Variants in NRXN3 observed in about 807,000 individuals in gnomAD.
NRXN3 encodes neurexin 3.
Under a neutral mutation model 137.6 loss-of-function variants are expected in NRXN3, and 32 were observed. The observed-to-expected ratio is 0.23, with a 90% CI of 0.18 to 0.31. NRXN3 has a LOEUF of 0.31. NRXN3 is among the 10% of genes least tolerant of loss of function. The probability of loss-of-function intolerance (pLI) is 1.00; values close to 1 mark genes in which losing one functional copy is unlikely to be tolerated. For synonymous variants in NRXN3, 798 were observed against 784.5 expected (o/e 1.02, Z -0.29); for missense variants, 1,574 against 2,062.5 (o/e 0.76, Z 4.59).
intron 1 of NRXN3, among the ~76,000 whole-genome samples, chr14:78,215,086 A>G (rs749406342): frequency 6.6e-6 from 1 of 152,172 alleles, no homozygotes; most frequent in African/African-American, 2.4e-5. Context: ...GTATTTTACA[A>G]ATGTCAATAC....
chr14:79,158,251 C>G (rs1465770301), intron 15 of NRXN3, among the ~76,000 whole-genome samples: 2 of 151,732 alleles, frequency 1.3e-5, no homozygotes, highest in Non-Finnish European at 2.9e-5. Flanking sequence ...AGAAAAGTCT[C>G]TGCTAAGGCA....
At chr14:79,726,798 T>G (rs1008722991) in intron 19 of NRXN3, among the ~76,000 whole-genome samples, 1 of 152,192 alleles carries the variant, frequency 6.6e-6, no homozygotes, top group Non-Finnish European at 1.5e-5. Flanking sequence ...AACTACATTT[T>G]TGTTGTTCTC....
At chr14:78,264,635 G>T (rs1220175791) in intron 2 of NRXN3, among the ~76,000 whole-genome samples, 1 of 152,144 alleles carries the variant, frequency 6.6e-6, no homozygotes, top group Non-Finnish European at 1.5e-5. Context: ...GTGTTCTTGT[G>T]TGGATATGTG....
intron 16 of NRXN3, among the ~76,000 whole-genome samples, chr14:79,559,007 CCTCA>C (rs1244994372): frequency 5.3e-5 from 8 of 152,114 alleles, no homozygotes; most frequent in South Asian, 2.1e-4. Flanking sequence ...CCTACAGCTT[CCTCA>C]CTCTTCTTAG....
At chr14:78,287,170 C>T (rs2075271306) in intron 3 of NRXN3, among the ~76,000 whole-genome samples, 1 of 152,204 alleles carries the variant, frequency 6.6e-6, no homozygotes, top group Non-Finnish European at 1.5e-5. Context: ...CTGAAAGCTT[C>T]ACTCTTCACC....
At chr14:78,396,625 T>C (rs1294071821) in intron 4 of NRXN3, among the ~76,000 whole-genome samples, 1 of 152,232 alleles carries the variant, frequency 6.6e-6, no homozygotes, top group Non-Finnish European at 1.5e-5. Flanking sequence ...GTCATTTTCT[T>C]TCTGCATTTA....
intron 15 of NRXN3, among the ~76,000 whole-genome samples, chr14:79,003,011 AG>A (rs2099544890): frequency 6.6e-6 from 1 of 152,258 alleles, no homozygotes; most frequent in South Asian, 2.1e-4. Flanking sequence ...TCTGTCACCA[AG>A]ACTGGAGTGC....
chr14:79,121,510 C>G lies in NRXN3; in HGVS notation c.3262+133369C>G, dbSNP rs78461433. Among the ~76,000 whole-genome samples, 15 of 152,332 alleles carry G rather than the reference C, an allele frequency of 9.8e-5. No homozygotes were observed. The East Asian group carries it at 2.7e-3, about 27-fold the overall frequency. ...CTTCTATAGCTCCATTTATATCCAA[C>G]TTAAATTTCACTCTAAACATTTTCA... On this transcript the variant is annotated intron_variant, in intron 15 of 20. Transcript: ENST00000335750.
At chr14:78,710,920 C>T (rs980359460) in intron 7 of NRXN3, among the ~76,000 whole-genome samples, 1 of 152,158 alleles carries the variant, frequency 6.6e-6, no homozygotes, top group African/African-American at 2.4e-5. Flanking sequence ...ATTAAATGTG[C>T]TCGTTAAGCA....
chr14:78,941,395 G>A (rs528483443), intron 10 of NRXN3, among the ~76,000 whole-genome samples: 17 of 152,142 alleles, frequency 1.1e-4, no homozygotes, highest in African/African-American at 3.4e-4. Flanking sequence ...TTCCTTACCC[G>A]TGGTGCTTCT....
At chr14:79,658,609 A>G (rs1337064344) in intron 16 of NRXN3, among the ~76,000 whole-genome samples, 5 of 152,142 alleles carry the variant, frequency 3.3e-5, no homozygotes, top group African/African-American at 1.2e-4. Flanking sequence ...CTCTTACTAC[A>G]ACCCTATAAT....
In NRXN3 at chr14:79,549,461, C is replaced by T. The variant is rs78598623; in HGVS notation, c.3444+82059C>T. ...ACATGTAAGGAAATGAAAAGTATTC[C>T]ACAAATACTCCTTCCCTGAGCTTGT... is the stretch of plus-strand genomic sequence containing the variant. On this transcript the variant is annotated intron_variant, in intron 16 of 20. Coordinates refer to ENST00000335750, the MANE Select transcript of NRXN3 (RefSeq NM_001330195.2). Among the ~76,000 whole-genome samples the T allele has an allele frequency of 6.2e-3, 944 of 152,172 alleles. 11 individuals carry two copies. The highest frequency in any genetic ancestry group is 0.037 in the Middle Eastern group (11 of 294).
At chr14:78,596,642 A>G (rs939459806) in intron 4 of NRXN3, among the ~76,000 whole-genome samples, 4 of 152,210 alleles carry the variant, frequency 2.6e-5, no homozygotes, top group Admixed American at 6.5e-5. Flanking sequence ...TTAAAGAGCC[A>G]TAGAGAGAAC....
At chr14:78,541,377 C>T (rs1199964741) in intron 4 of NRXN3, among the ~76,000 whole-genome samples, 1 of 152,182 alleles carries the variant, frequency 6.6e-6, no homozygotes, top group African/African-American at 2.4e-5. Context: ...TCTTCAATCA[C>T]TGATACCCTT....
At chr14:79,074,835 C>T (rs8019071) in intron 15 of NRXN3, 76,391 of 152,006 alleles carry the variant, frequency 0.5, 22,414 homozygotes, top group East Asian at 0.78. Context: ...GGGAGATAAG[C>T]CCCTTGTTTT....
chr14:78,262,371 C>G (rs1399264993), intron 2 of NRXN3, among the ~76,000 whole-genome samples: 1 of 151,964 alleles, frequency 6.6e-6, no homozygotes, highest in African/African-American at 2.4e-5. Flanking sequence ...CACACATGGC[C>G]CTCTCCTTCC....
chr14:79,433,037 A>G (rs754522203), intron 15 of NRXN3, among the ~76,000 whole-genome samples: 2 of 152,276 alleles, frequency 1.3e-5, no homozygotes, highest in Non-Finnish European at 2.9e-5. Flanking sequence ...TTTCCCCGGC[A>G]CCTAACAATG....
chr14:79,296,255 A>G (rs1247119568), intron 15 of NRXN3, among the ~76,000 whole-genome samples: 1 of 152,132 alleles, frequency 6.6e-6, no homozygotes, highest in East Asian at 1.9e-4. Flanking sequence ...GTAAGAACAT[A>G]CAGTATTTTA....
chr14:78,681,554 G>A (rs1468869136), intron 6 of NRXN3, among the ~76,000 whole-genome samples: 1 of 152,054 alleles, frequency 6.6e-6, no homozygotes, highest in East Asian at 1.9e-4. Flanking sequence ...TGCCAGAGGA[G>A]GAAACATAAG....
Sources: allele counts gnomAD v4.1 joint callset (sites outside exome capture counted in the v4.1 genomes callset), GRCh38; gene constraint gnomAD v4.1.1; transcripts MANE v1.5; gene names NCBI Gene and HGNC (gene_info 2026-07-23, HGNC 2026-07-21).